The following DCAF8 variants were observed in gnomAD, a reference collection of about 807,000 sequenced individuals.
DCAF8 encodes DDB1 and CUL4 associated factor 8.
Under a neutral mutation model 68.0 loss-of-function variants are expected in DCAF8, and 20 were observed. The ratio of observed to expected loss-of-function variants is 0.29; its 90% CI spans 0.21 to 0.43. The LOEUF is 0.43. Among genes scored for constraint, DCAF8 ranks in the 20% least tolerant of loss-of-function variants. The pLI is 1.00. For missense variants in DCAF8, 460 were observed against 771.0 expected, an observed-to-expected ratio of 0.60 and a Z score of 4.78; for synonymous variants, 230 against 276.9, an observed-to-expected ratio of 0.83 and a Z score of 1.68.
intron 2 of DCAF8, among the ~76,000 whole-genome samples, chr1:160,248,874 C>T (rs780878725): frequency 1.5e-4 from 23 of 149,954 alleles, no homozygotes; most frequent in Non-Finnish European, 2.8e-4. Flanking sequence ...CTCCAGTCTA[C>T]GCAACAGAGT....
At chr1:160,228,774 G>A (rs1655566079) in intron 7 of DCAF8, among the ~76,000 whole-genome samples, 1 of 152,278 alleles carries the variant, frequency 6.6e-6, no homozygotes, top group South Asian at 2.1e-4. Flanking sequence ...TTTAGGCTAG[G>A]AGTGAAAGTT....
intron 13 of DCAF8, 47 bp downstream of exon 13, chr1:160,218,276 TC>T (rs1242214652): frequency 6.7e-7 from 1 of 1,492,852 alleles, no homozygotes; most frequent in Non-Finnish European, 9.3e-7. Context: ...TTTTTAGCCC[TC>T]TTAAAAGGGT....
intron 11 of DCAF8, 194 bp from the exon 12 acceptor site, chr1:160,219,162 AC>A: frequency 1.6e-6 from 1 of 640,778 alleles, no homozygotes; most frequent in Non-Finnish European, 2.6e-6. Context: ...TGGGTATAAG[AC>A]CAGGCACATC....
At chr1:160,239,250 C>A in intron 4 of DCAF8, 1 of 1,104,558 alleles carries the variant, frequency 9.1e-7, no homozygotes, top group Non-Finnish European at 1.1e-6. Context: ...TATTAAGTAC[C>A]AGTCACAGTT....
chr1:160,239,327 G>C (rs1557835691), intron 4 of DCAF8: 1 of 1,227,290 alleles, frequency 8.1e-7, no homozygotes, highest in Non-Finnish European at 1.1e-6. Flanking sequence ...CCATTTTACA[G>C]ATAAACTGAA....
chr1:160,241,254 T>A (rs1256415562), intron 3 of DCAF8, among the ~76,000 whole-genome samples: 1 of 152,192 alleles, frequency 6.6e-6, no homozygotes, highest in Non-Finnish European at 1.5e-5. Flanking sequence ...AAGGGGTAAG[T>A]GGGAATTGTG....
chr1:160,239,502 T>G, intron 4 of DCAF8, 195 bp downstream of exon 4: 1 of 1,487,320 alleles, frequency 6.7e-7, no homozygotes, highest in African/African-American at 1.4e-5. Context: ...CTTCCAACAG[T>G]CCACATGCTC....
chr1:160,258,430 T>G (rs6686429), intron 2 of DCAF8, among the ~76,000 whole-genome samples: 1 of 152,016 alleles, frequency 6.6e-6, no homozygotes, highest in African/African-American at 2.4e-5. Context: ...CTAATCATCC[T>G]AGGAAATACT....
chr1:160,243,405 CCTT>C lies in DCAF8; in HGVS notation c.49+552_49+554del, dbSNP rs1656194348. ...TGTAACTTCATCCCTTATGTAATCA[CCTT>C]TTTTTTTTTTTTTTTTAAAAAGACG... On this transcript the variant is annotated intron_variant, in intron 3 of 13. Transcript: ENST00000368074. Among the ~76,000 whole-genome samples, 3 of 121,420 alleles carry C rather than the reference CCTT, an allele frequency of 2.5e-5. No individual in the cohort carries two copies. The Admixed American group carries it at 2.6e-4, about 11-fold the overall frequency. 79.7% of individuals were successfully genotyped at this position (121,420 alleles called of 152,430 possible). A position where few individuals can be genotyped will look rare whatever the true frequency, so the allele number is the denominator to read the frequency against.
At position 160,222,627 on chromosome 1, in the gene DCAF8, G is replaced by A. The variant is rs369037918; in HGVS notation, c.1440+24C>T. On this transcript the variant is annotated intron_variant, in intron 11 of 13. Coordinates refer to ENST00000368074, the MANE Select transcript of DCAF8 (RefSeq NM_015726.4). Reference sequence around the variant, plus strand: ...AATGACTGGAGAGATTAGGGAGCCAGCCAGCTCAGCACACCATACTCACCA... The same window carrying A: ...AATGACTGGAGAGATTAGGGAGCCAACCAGCTCAGCACACCATACTCACCA... The A allele has an allele frequency of 1.9e-6, 3 of 1,612,854 alleles. No homozygotes were observed. The African/African-American group carries it at 4.0e-5, about 22-fold the overall frequency.
chr1:160,251,463 T>C (rs867508020), intron 2 of DCAF8, among the ~76,000 whole-genome samples: 2 of 152,176 alleles, frequency 1.3e-5, no homozygotes, highest in African/African-American at 4.8e-5. Context: ...TCTAATAGCA[T>C]AGTGGTTTTG....
Position 160,225,594 on chromosome 1 carries a change from G to C in DCAF8, c.1140C>G (p.His380Gln). 6.2e-7 allele frequency: 1 copy of C among 1,612,550 alleles called. No homozygotes were observed. The highest frequency in any genetic ancestry group is 8.5e-7 in the Non-Finnish European group (1 of 1,178,792). ...NGVLKKFCPH[H>Q]LVNSESKANI... is the part of the protein sequence containing the mutation. The stretch of plus-strand genomic sequence containing the variant: ...ACTGGCCCTTCATGAATCTTACCAG[G>C]TGATGAGGACAGAACTTCTTGAGTA... The change falls in exon 8 of 14, where the codon CAC (histidine) becomes CAG (glutamine). Residue 380 changes from histidine to glutamine, a missense_variant. His to Gln is a conservative substitution (Grantham distance 24, BLOSUM62 0). Around this residue, in one of 8 missense-constraint regions of DCAF8, gnomAD observed 170 missense variants for 318.2 expected, o/e 0.53. Transcript: ENST00000368074.
At position 160,217,638 on chromosome 1, in the gene DCAF8, G is replaced by A. The variant is rs867856057; in HGVS notation, c.1748C>T (p.Ser583Leu). 3 of 1,614,074 alleles carry A rather than the reference G, an allele frequency of 1.9e-6. No individual in the cohort carries two copies. The highest frequency in any genetic ancestry group is 2.5e-6 in the Non-Finnish European group (3 of 1,179,992). ...SDESPSSSDT[S>L]DEEEGPDRVQ... ...CCGGTCAGGGCCCTCCTCCTCGTCC[G>A]ATGTGTCTGAGGAGCTGGGAGACTC... The change falls in exon 14 of 14, where the codon TCG (serine) becomes TTG (leucine). Residue 583 changes from serine (S) to leucine (L), a missense_variant. Transcript: ENST00000368074.
chr1:160,229,377 G>A (rs1426897513), intron 7 of DCAF8, among the ~76,000 whole-genome samples: 1 of 152,134 alleles, frequency 6.6e-6, no homozygotes, highest in Non-Finnish European at 1.5e-5. Flanking sequence ...AGACACAGAA[G>A]ATTTGAGTAT....
In DCAF8 at chr1:160,262,464, C is replaced by T; in HGVS notation, c.-116G>A. On this transcript the variant is annotated 5_prime_UTR_variant, in exon 1 of 14. Transcript: ENST00000368074. ...GCCATCTTACACTGGCCAGCGGCCG[C>T]CACCACCACCGCCTCCGCTCTCTGC... 1 of 401,456 alleles carries T rather than the reference C, an allele frequency of 2.5e-6. No homozygotes were observed. The highest frequency in any genetic ancestry group is 4.4e-6 in the Non-Finnish European group (1 of 227,908). 24.9% of individuals were successfully genotyped at this position (401,456 alleles called of 1,614,324 possible). A position where few individuals can be genotyped will look rare whatever the true frequency, so the allele number is the denominator to read the frequency against.
In DCAF8 at chr1:160,246,959, C is replaced by CA. The variant is rs369842065; in HGVS notation, c.-26-2926dup. Among the ~76,000 whole-genome samples the CA allele has an allele frequency of 8.6e-5, 13 of 151,896 alleles. No individual in the cohort carries two copies. In the East Asian group the frequency reaches 9.6e-4, roughly 11 times the overall value. On this transcript the variant is annotated intron_variant, in intron 2 of 13. Transcript: ENST00000368074. The stretch of plus-strand genomic sequence containing the variant: ...GGACGACAGAGCAAGACACAGTCTC[C>CA]AAAAAAATAAAAAATAAAAAATCTT...
In DCAF8 at chr1:160,222,643, A is replaced by T; in HGVS notation, c.1440+8T>A. ...AGGGAGCCAGCCAGCTCAGCACACCATACTCACCACGCCTCCCTTGTCCCC... is the reference window on the plus strand; with the variant it reads ...AGGGAGCCAGCCAGCTCAGCACACCTTACTCACCACGCCTCCCTTGTCCCC... On this transcript the variant is annotated splice_region_variant and intron_variant, in intron 11 of 13. Coordinates refer to ENST00000368074, the MANE Select transcript of DCAF8 (RefSeq NM_015726.4). 6.2e-7 allele frequency: 1 copy of T among 1,613,972 alleles called. No individual in the cohort carries two copies. The highest frequency in any genetic ancestry group is 8.5e-7 in the Non-Finnish European group (1 of 1,179,944).
At chr1:160,247,124 G>A (rs1053121466) in intron 2 of DCAF8, among the ~76,000 whole-genome samples, 8 of 152,084 alleles carry the variant, frequency 5.3e-5, no homozygotes, top group African/African-American at 1.9e-4. Context: ...CAACTTTCAT[G>A]TAAAATCTAG....
chr1:160,231,558 T>C (rs1412530319), intron 6 of DCAF8, 151 bp from the exon 7 acceptor site: 5 of 633,302 alleles, frequency 7.9e-6, no homozygotes, highest in Non-Finnish European at 1.1e-5. Context: ...CTGTTTGTTT[T>C]GTACGTAACA....
Sources: allele counts gnomAD v4.1 joint callset (sites outside exome capture counted in the v4.1 genomes callset), GRCh38; gene constraint gnomAD v4.1.1; regional missense constraint gnomAD v4.1.1; transcripts MANE v1.5; gene names NCBI Gene and HGNC (gene_info 2026-07-23, HGNC 2026-07-21).